The following MMP24 variants were observed in gnomAD, a reference collection of about 807,000 sequenced individuals.
MMP24 encodes matrix metallopeptidase 24, also known as matrix metalloproteinase-24.
A neutral mutation model predicts 62.8 loss-of-function variants in MMP24; 25 were observed. The ratio of observed to expected loss-of-function variants is 0.40; its 90% confidence interval spans 0.29 to 0.56. The LOEUF (loss-of-function observed/expected upper bound fraction) is 0.56. Among genes scored for constraint, MMP24 ranks in the 20% least tolerant of loss-of-function variants. The pLI is 0.50. For synonymous variants in MMP24, 319 were observed against 350.5 expected (o/e 0.91, Z 1.00); for missense variants, 634 against 853.6 (o/e 0.74, Z 3.21).
chr20:35,260,851 T>C (rs2060598942), intron 4 of MMP24, among the ~76,000 whole-genome samples: 1 of 152,200 alleles, frequency 6.6e-6, no homozygotes, highest in Admixed American at 6.5e-5. Context: ...GGTTCTTCTC[T>C]CTTCCAGAGA....
intron 4 of MMP24, among the ~76,000 whole-genome samples, chr20:35,260,161 T>A (rs2060594916): frequency 6.6e-6 from 1 of 152,082 alleles, no homozygotes; most frequent in African/African-American, 2.4e-5. Flanking sequence ...TCCTCATACC[T>A]CTGCCTTCAC....
rs927191550 is a variant in MMP24 at position 35,271,477 on chromosome 20, G to A, written c.1334-92G>A. 1.4e-6 allele frequency: 2 copies of A among 1,471,338 alleles called. No individual in the cohort carries two copies. Among genetic ancestry groups the A allele is most frequent in the East Asian group, 2.4e-5 (1 of 42,150 alleles). The allele number at this position is 1,471,338 out of a possible 1,614,324, so 91.1% of individuals were successfully genotyped here. ...AACTCTAACTGGGCCAAGGGGCTGA[G>A]GGCATCAGACTGTTTTCACCTGACA... is the stretch of plus-strand genomic sequence containing the variant. On this transcript the variant is annotated intron_variant, in intron 7 of 8. Coordinates refer to ENST00000246186, the MANE Select transcript of MMP24 (RefSeq NM_006690.4). This position sits in a 1 kb window ranked among gnomAD's most constrained non-coding sequence, Gnocchi z 4.0.
At chr20:35,247,446 A>G (rs1042680572) in intron 2 of MMP24, among the ~76,000 whole-genome samples, 3 of 152,162 alleles carry the variant, frequency 2.0e-5, no homozygotes, top group African/African-American at 7.2e-5. Context: ...GGCCCTCCAG[A>G]GGCTCACCAT....
intron 4 of MMP24, among the ~76,000 whole-genome samples, chr20:35,258,735 G>A (rs959726448): frequency 2.6e-5 from 4 of 151,778 alleles, no homozygotes; most frequent in Admixed American, 6.6e-5. Flanking sequence ...TGTTGAGGTC[G>A]AGCATTTGCT....
chr20:35,266,175 TAAAAAAAAAAAAA>T lies in MMP24; in HGVS notation c.980-1015_980-1003del, dbSNP rs35806814. ...CAACATGGTGAAACCCCATCTCTGC[TAAAAAAAAAAAAA>T]AAAAAAAAAAAAAATCACCTGGGTG... is the stretch of plus-strand genomic sequence containing the variant. On this transcript the variant is annotated intron_variant, in intron 5 of 8. Coordinates refer to ENST00000246186, the MANE Select transcript of MMP24 (RefSeq NM_006690.4). Among the ~76,000 whole-genome samples, 8 of 43,016 alleles carry T rather than the reference TAAAAAAAAAAAAA, an allele frequency of 1.9e-4. No homozygotes were observed. The South Asian group carries it at 6.1e-3, about 33-fold the overall frequency. 28.2% of individuals were successfully genotyped at this position (43,016 alleles called of 152,430 possible).
intron 1 of MMP24, among the ~76,000 whole-genome samples, chr20:35,237,947 G>GA (rs1343389044): frequency 1.3e-5 from 2 of 152,150 alleles, no homozygotes; most frequent in Non-Finnish European, 2.9e-5. Context: ...GAAACTGAGG[G>GA]AAAAAACCCA....
At chr20:35,264,707 C>CAAAAAGAAA (rs2060622466) in intron 5 of MMP24, among the ~76,000 whole-genome samples, 1 of 43,522 alleles carries the variant, frequency 2.3e-5, no homozygotes, top group Non-Finnish European at 4.5e-5. Flanking sequence ...GACTCCGTCT[C>CAAAAAGAAA]AAAAAAAAAA....
chr20:35,245,946 G>A (rs1451810369), intron 1 of MMP24, among the ~76,000 whole-genome samples: 1 of 151,536 alleles, frequency 6.6e-6, no homozygotes, highest in Non-Finnish European at 1.5e-5. Context: ...TTTTTTCTAT[G>A]CACACATGAT....
At chr20:35,236,977 A>G (rs2146202981) in intron 1 of MMP24, among the ~76,000 whole-genome samples, 1 of 150,914 alleles carries the variant, frequency 6.6e-6, no homozygotes, top group East Asian at 1.9e-4. Flanking sequence ...CCATCTCAAA[A>G]AAAAAAAAAA....
intron 1 of MMP24, among the ~76,000 whole-genome samples, chr20:35,231,866 A>G (rs558649450): frequency 6.6e-6 from 1 of 152,288 alleles, no homozygotes; most frequent in African/African-American, 2.4e-5. Flanking sequence ...AGCCTGGCCA[A>G]CATGGTGAAA....
At chr20:35,264,361 G>C (rs535552101) in intron 5 of MMP24, among the ~76,000 whole-genome samples, 1 of 152,076 alleles carries the variant, frequency 6.6e-6, no homozygotes, top group Non-Finnish European at 1.5e-5. Context: ...GTGATACAGC[G>C]TGATGGGGAC....
Position 35,269,639 on chromosome 20 carries a change from C to A in MMP24, c.1195-121C>A. 3.3e-6 allele frequency: 4 copies of A among 1,214,394 alleles called. No individual in the cohort carries two copies. The highest frequency in any genetic ancestry group is 4.5e-6 in the Non-Finnish European group (4 of 890,616). The allele number at this position is 1,214,394 out of a possible 1,614,324, so 75.2% of individuals were successfully genotyped here. A position where few individuals can be genotyped will look rare whatever the true frequency, so the allele number is the denominator to read the frequency against. ...CTCCCAGGGCTTTAAAAGTCAGAAG[C>A]AGCTAATGGACAGTCTCGGTGGAGG... On this transcript the variant is annotated intron_variant, in intron 6 of 8. Coordinates refer to ENST00000246186, the MANE Select transcript of MMP24 (RefSeq NM_006690.4). The surrounding 1 kb of genome is among the most constrained non-coding windows in gnomAD (Gnocchi z 4.6).
chr20:35,249,755 ATTTTT>A (rs887475693), intron 2 of MMP24, among the ~76,000 whole-genome samples: 1 of 145,402 alleles, frequency 6.9e-6, no homozygotes, highest in Non-Finnish European at 1.5e-5. Flanking sequence ...CGCCCGGCTA[ATTTTT>A]TTTTTTTATT....
rs2060708296 is a variant in MMP24, at chr20:35,276,540, C to T, written c.*1931C>T. 1 of 373,962 alleles carries T rather than the reference C, an allele frequency of 2.7e-6. No individual in the cohort carries two copies. Among genetic ancestry groups the T allele is most frequent in the East Asian group, 3.8e-5 (1 of 26,102 alleles). The allele number at this position is 373,962 out of a possible 1,614,324, so 23.2% of individuals were successfully genotyped here. Reference sequence around the variant, plus strand: ...CCCCATCTGTGGACCCCTCTAGGGTCTGAGATGAGATGAGAAGTGTCTCCT... The same window carrying T: ...CCCCATCTGTGGACCCCTCTAGGGTTTGAGATGAGATGAGAAGTGTCTCCT... On this transcript the variant is annotated 3_prime_UTR_variant, in exon 9 of 9. Transcript: ENST00000246186.
intron 3 of MMP24, among the ~76,000 whole-genome samples, chr20:35,253,126 C>G (rs2060556222): frequency 6.6e-6 from 1 of 151,108 alleles, no homozygotes; most frequent in African/African-American, 2.5e-5. Context: ...TGGGCAGGCT[C>G]GGGTGGGTGC....
Position 35,275,805 on chromosome 20 carries a change from G to A in MMP24, c.*1196G>A, listed in dbSNP as rs190495884. On this transcript the variant is annotated 3_prime_UTR_variant, in exon 9 of 9. Coordinates refer to ENST00000246186, the MANE Select transcript of MMP24 (RefSeq NM_006690.4). The stretch of plus-strand genomic sequence containing the variant: ...TTGGCCCTTGCTGACCTCGCTCACT[G>A]GGCCCATCTTCCCACACTGCTCTTA... 9 of 391,560 alleles carry A rather than the reference G, an allele frequency of 2.3e-5. No individual in the cohort carries two copies. Among genetic ancestry groups the A allele is most frequent in the East Asian group, 2.2e-4 (6 of 27,682 alleles). The allele number at this position is 391,560 out of a possible 1,614,324, so 24.3% of individuals were successfully genotyped here.
In MMP24 at chr20:35,275,705, C is replaced by T. The variant is rs946885956; in HGVS notation, c.*1096C>T. 1.1e-4 allele frequency: 29 copies of T among 254,504 alleles called. No individual in the cohort carries two copies. Among genetic ancestry groups the T allele is most frequent in the Non-Finnish European group, 5.9e-5 (8 of 135,156 alleles). The allele number at this position is 254,504 out of a possible 1,614,324, so 15.8% of individuals were successfully genotyped here. On this transcript the variant is annotated 3_prime_UTR_variant, in exon 9 of 9. Coordinates refer to ENST00000246186, the MANE Select transcript of MMP24 (RefSeq NM_006690.4). ...GGGCGTCTGAAGTGCTCAGTGCCCC[C>T]ACTACTCTGAGGCCGACTCCAGCTA...
In MMP24 at chr20:35,271,872, C is replaced by T. The variant is rs11696548; in HGVS notation, c.1600+37C>T. ...CCGGGCCAGGGTGGGCATGGGGAGCCGGTTTTATGTGGTCCTCACCAGTGC... is the reference window on the plus strand; with the variant it reads ...CCGGGCCAGGGTGGGCATGGGGAGCTGGTTTTATGTGGTCCTCACCAGTGC... On this transcript the variant is annotated intron_variant, in intron 8 of 8. Coordinates refer to ENST00000246186, the MANE Select transcript of MMP24 (RefSeq NM_006690.4). This position sits in a 1 kb window ranked among gnomAD's most constrained non-coding sequence, Gnocchi z 4.0. The T allele has an allele frequency of 0.15, 235,615 of 1,578,408 alleles. 18,777 individuals are homozygous for T. Among genetic ancestry groups the T allele is most frequent in the Middle Eastern group, 0.24 (1,302 of 5,376 alleles).
Position 35,269,633 on chromosome 20 carries a change from C to T in MMP24, c.1195-127C>T. On this transcript the variant is annotated intron_variant, in intron 6 of 8. Coordinates refer to ENST00000246186, the MANE Select transcript of MMP24 (RefSeq NM_006690.4). This position sits in a 1 kb window ranked among gnomAD's most constrained non-coding sequence, Gnocchi z 4.6. ...GTCTTCCTCCCAGGGCTTTAAAAGT[C>T]AGAAGCAGCTAATGGACAGTCTCGG... 8.5e-7 allele frequency: 1 copy of T among 1,183,042 alleles called. No homozygotes were observed. The highest frequency in any genetic ancestry group is 2.7e-5 in the Admixed American group (1 of 36,648). The allele number at this position is 1,183,042 out of a possible 1,614,324, so 73.3% of individuals were successfully genotyped here.
Sources: allele counts gnomAD v4.1 joint callset (sites outside exome capture counted in the v4.1 genomes callset), GRCh38; gene constraint gnomAD v4.1.1; non-coding constraint Gnocchi (gnomAD v3.1); transcripts MANE v1.5; gene names NCBI Gene and HGNC (gene_info 2026-07-23, HGNC 2026-07-21).